Variants in PRPF6 observed in about 807,000 individuals in gnomAD.
PRPF6 encodes pre-mRNA processing factor 6.
Under a neutral mutation model 118.3 loss-of-function variants are expected in PRPF6, and 42 were observed. The ratio of observed to expected loss-of-function variants is 0.35; its 90% CI spans 0.28 to 0.46. PRPF6 has a LOEUF of 0.46. Ranked by LOEUF, PRPF6 falls within the 20% of genes least tolerant of loss-of-function variation. The pLI is 1.00. For missense variants in PRPF6, 662 were observed against 1,255.7 expected (o/e 0.53, Z 7.15); for synonymous variants, 481 against 485.1 (o/e 0.99, Z 0.11).
intron 12 of PRPF6, among the ~76,000 whole-genome samples, chr20:64,021,638 C>T (rs115811117): frequency 0.012 from 1,352 of 109,162 alleles, 32 homozygotes; most frequent in African/African-American, 0.047. Flanking sequence ...TGTGTGTGTG[C>T]GTGCACATAT....
At chr20:64,030,236 C>T (rs2059309020) in intron 19 of PRPF6, among the ~76,000 whole-genome samples, 1 of 152,130 alleles carries the variant, frequency 6.6e-6, no homozygotes, top group East Asian at 1.9e-4. Flanking sequence ...GGGAAGTGAC[C>T]ATGTGGGGTG....
intron 12 of PRPF6, among the ~76,000 whole-genome samples, chr20:64,017,556 C>T (rs1242161881): frequency 8.3e-6 from 1 of 121,164 alleles, no homozygotes. Context: ...CGGCCTCCCA[C>T]GGTGCTGGGA....
chr20:64,029,616 C>A lies in PRPF6; in HGVS notation c.2546+125C>A. ...CAGCAGGGTGGGCTTCCCCGATCCT[C>A]GGCTGCCGTCGCTCCTGCTGTGGTC... On this transcript the variant is annotated intron_variant, in intron 19 of 20. Transcript: ENST00000266079. The surrounding 1 kb of genome is among the most constrained non-coding windows in gnomAD (Gnocchi z 4.8). The A allele has an allele frequency of 1.2e-6, 1 of 824,408 alleles. No individual in the cohort carries two copies. The highest frequency in any genetic ancestry group is 2.0e-6 in the Non-Finnish European group (1 of 503,880). 51.1% of individuals were successfully genotyped at this position (824,408 alleles called of 1,614,324 possible). A position where few individuals can be genotyped will look rare whatever the true frequency, so the allele number is the denominator to read the frequency against.
intron 5 of PRPF6, 24 bp from the exon 6 acceptor site, chr20:63,995,303 T>G: frequency 6.3e-7 from 1 of 1,598,424 alleles, no homozygotes; most frequent in Non-Finnish European, 8.5e-7. Context: ...GTTTTATTCT[T>G]GCCTTTCCTC....
intron 14 of PRPF6, among the ~76,000 whole-genome samples, chr20:64,025,364 G>A (rs549824596): frequency 6.6e-6 from 1 of 152,146 alleles, no homozygotes; most frequent in Non-Finnish European, 1.5e-5. Context: ...TGATTGGGAC[G>A]CATTCAGACA....
Position 64,027,672 on chromosome 20 carries a change from C to T in PRPF6, c.2275C>T (p.Leu759Phe). The T allele has an allele frequency of 6.2e-7, 1 of 1,614,096 alleles. No homozygotes were observed. Among genetic ancestry groups the T allele is most frequent in the Non-Finnish European group, 8.5e-7 (1 of 1,180,018 alleles). The stretch of plus-strand genomic sequence containing the variant: ...TCGGCTGGAGGAGAAGATTGGGCAG[C>T]TTACTCGAGCACGGGCCATTTTGGA... ...LSRLEEKIGQLTRARAILEKS... is the reference protein window; with the variant it reads ...LSRLEEKIGQFTRARAILEKS... Residue 759 changes from leucine (L) to phenylalanine (F), a missense_variant, in exon 17 of 21, where the codon CTT becomes TTT. Transcript: ENST00000266079. The surrounding 1 kb of genome is among the most constrained non-coding windows in gnomAD (Gnocchi z 6.5).
chr20:64,025,904 T>G (rs760310174), intron 14 of PRPF6, 35 bp from the exon 15 acceptor site: 1 of 1,613,366 alleles, frequency 6.2e-7, no homozygotes, highest in Non-Finnish European at 8.5e-7. Flanking sequence ...CCCTGTGTTC[T>G]GACCCCTCTT....
At chr20:64,008,117 A>G (rs533246507) in intron 9 of PRPF6, among the ~76,000 whole-genome samples, 1 of 152,282 alleles carries the variant, frequency 6.6e-6, no homozygotes, top group South Asian at 2.1e-4. Context: ...TGTCTACTGC[A>G]TTCATATTTT....
chr20:64,005,511 C>G (rs1003190161), intron 9 of PRPF6, among the ~76,000 whole-genome samples: 5 of 152,086 alleles, frequency 3.3e-5, no homozygotes, highest in Non-Finnish European at 7.4e-5. Flanking sequence ...TAGGACTTTC[C>G]TTCTTTACTG....
At chr20:63,993,141 A>G (rs2122999401) in intron 3 of PRPF6, among the ~76,000 whole-genome samples, 1 of 150,388 alleles carries the variant, frequency 6.6e-6, no homozygotes, top group African/African-American at 2.4e-5. Context: ...ACTTAAACCC[A>G]GGAGGTGGAG....
intron 3 of PRPF6, among the ~76,000 whole-genome samples, chr20:63,990,336 T>G (rs1206998399): frequency 1.3e-5 from 2 of 152,180 alleles, no homozygotes; most frequent in Admixed American, 1.3e-4. Context: ...ACCATATCCT[T>G]TGGCCTCCCA....
chr20:64,000,650 C>T (rs1399546670), intron 8 of PRPF6, among the ~76,000 whole-genome samples: 3 of 151,322 alleles, frequency 2.0e-5, no homozygotes, highest in South Asian at 2.1e-4. Context: ...CTCACTGCAA[C>T]CTCTGCCTCC....
In PRPF6 at chr20:64,001,039, T is replaced by C. The variant is rs1022108680; in HGVS notation, c.1024-38T>C. The C allele has an allele frequency of 7.5e-6, 12 of 1,609,920 alleles. No individual in the cohort carries two copies. In the Admixed American group the frequency reaches 1.2e-4, roughly 16 times the overall value. On this transcript the variant is annotated intron_variant, in intron 8 of 20. Transcript: ENST00000266079. ...TGCTGCCCTGTTGCGGCTTCCAGCC[T>C]GCACTGAGCCTTATTGGTCTTATCT...
intron 9 of PRPF6, among the ~76,000 whole-genome samples, chr20:64,006,820 C>G (rs1294202619): frequency 6.6e-6 from 1 of 152,204 alleles, no homozygotes; most frequent in African/African-American, 2.4e-5. Flanking sequence ...ACTGGGCTGC[C>G]AGGCCATGGC....
intron 2 of PRPF6, among the ~76,000 whole-genome samples, 180 bp downstream of exon 2, chr20:63,983,395 C>T (rs1453951074): frequency 6.6e-6 from 1 of 152,010 alleles, no homozygotes; most frequent in Non-Finnish European, 1.5e-5. Flanking sequence ...GAGAAATGTG[C>T]ACTTTTTGTC....
chr20:64,016,680 C>T lies in PRPF6; in HGVS notation c.1525-43C>T, dbSNP rs374028636. On this transcript the variant is annotated intron_variant, in intron 11 of 20. Coordinates refer to ENST00000266079, the MANE Select transcript of PRPF6 (RefSeq NM_012469.4). ...TACTCCCCGTTGGGAATCTGCAGCTCTGATTTCCAAAATCACAAATAAGTT... is the reference window on the plus strand; with the variant it reads ...TACTCCCCGTTGGGAATCTGCAGCTTTGATTTCCAAAATCACAAATAAGTT... 41 of 1,612,248 alleles carry T rather than the reference C, an allele frequency of 2.5e-5. 1 individual carries two copies. The highest frequency in any genetic ancestry group is 3.4e-5 in the Non-Finnish European group (40 of 1,179,260).
Position 64,027,453 on chromosome 20 carries a change from C to A in PRPF6, c.2206-150C>A, listed in dbSNP as rs2059295961. 3 of 1,199,058 alleles carry A rather than the reference C, an allele frequency of 2.5e-6. No homozygotes were observed. The highest frequency in any genetic ancestry group is 3.4e-5 in the Admixed American group (2 of 59,188). 74.3% of individuals were successfully genotyped at this position (1,199,058 alleles called of 1,614,324 possible). ...CACAGCACCACCGCACACCTGTACACCCACAAATGCAGAGTGTGAGGGGTG... is the reference window on the plus strand; with the variant it reads ...CACAGCACCACCGCACACCTGTACAACCACAAATGCAGAGTGTGAGGGGTG... On this transcript the variant is annotated intron_variant, in intron 16 of 20. Transcript: ENST00000266079. The surrounding 1 kb of genome is among the most constrained non-coding windows in gnomAD (Gnocchi z 6.5).
At chr20:63,995,258 A>G in intron 5 of PRPF6, 69 bp from the exon 6 acceptor site, 1 of 1,574,168 alleles carries the variant, frequency 6.4e-7, no homozygotes, top group Non-Finnish European at 8.6e-7. Flanking sequence ...AGTATTTCAG[A>G]GAGTAAATTT....
chr20:64,021,621 G>A (rs1231053919), intron 12 of PRPF6, among the ~76,000 whole-genome samples: 5 of 145,106 alleles, frequency 3.4e-5, no homozygotes, highest in East Asian at 2.1e-4. Flanking sequence ...CTGTGTGTGC[G>A]TGTGTTTGTG....
Sources: allele counts gnomAD v4.1 joint callset (sites outside exome capture counted in the v4.1 genomes callset), GRCh38; gene constraint gnomAD v4.1.1; non-coding constraint Gnocchi (gnomAD v3.1); transcripts MANE v1.5; gene names NCBI Gene and HGNC (gene_info 2026-07-23, HGNC 2026-07-21).